RLF: variants seen among roughly 807,000 people sequenced by gnomAD.
RLF encodes RLF zinc finger.
A neutral mutation model predicts 162.9 loss-of-function variants in RLF; 7 were observed. The ratio of observed to expected loss-of-function variants is 0.04; its 90% CI spans 0.02 to 0.08. The LOEUF (loss-of-function observed/expected upper bound fraction) is 0.08. Among genes scored for constraint, RLF ranks in the 10% least tolerant of loss-of-function variants. RLF has a pLI of 1.00. For missense variants in RLF, 1,664 were observed against 2,244.7 expected (o/e 0.74, Z 5.23); for synonymous variants, 782 against 791.5 (o/e 0.99, Z 0.20).
intron 4 of RLF, among the ~76,000 whole-genome samples, chr1:40,201,354 G>A (rs936016024): frequency 2.0e-5 from 3 of 151,582 alleles, no homozygotes; most frequent in Non-Finnish European, 4.4e-5. Context: ...GGCCGGGTGC[G>A]GTGGCTCATG....
At chr1:40,184,211 G>A (rs948885847) in intron 1 of RLF, among the ~76,000 whole-genome samples, 3 of 152,160 alleles carry the variant, frequency 2.0e-5, no homozygotes, top group African/African-American at 4.8e-5. Context: ...AACCATGTAA[G>A]CATTTTAGTT....
chr1:40,188,885 A>G (rs1339575388), intron 1 of RLF, among the ~76,000 whole-genome samples, 170 bp from the exon 2 acceptor site: 1 of 152,220 alleles, frequency 6.6e-6, no homozygotes, highest in African/African-American at 2.4e-5. Flanking sequence ...GAAATCATTC[A>G]TTAAGTGATG....
At chr1:40,169,899 A>G (rs1337592374) in intron 1 of RLF, among the ~76,000 whole-genome samples, 5 of 151,958 alleles carry the variant, frequency 3.3e-5, no homozygotes, top group Non-Finnish European at 7.4e-5. Flanking sequence ...CATGTTGGCT[A>G]GGCTGGTCTT....
Position 40,189,209 on chromosome 1 carries a change from T to C in RLF, c.392T>C (p.Leu131Pro). ...DVLLVLGRLV[L>P]SCFELLLSVS... ...CTCTTAGTGCTTGGCAGATTAGTAC[T>C]GTAAGTTTGAGAACTTAAATCACTC... The change falls in exon 2 of 8, where the codon CTG becomes CCG. Residue 131 changes from leucine (L) to proline (P), a missense_variant and splice_region_variant. Leu to Pro is a moderately conservative substitution (Grantham distance 98). Around this residue, in one of 15 missense-constraint regions of RLF, gnomAD observed 287 missense variants for 404.9 expected, o/e 0.71. Transcript: ENST00000372771. 1.2e-6 allele frequency: 2 copies of C among 1,608,480 alleles called. No homozygotes were observed. Among genetic ancestry groups the C allele is most frequent in the Non-Finnish European group, 8.5e-7 (1 of 1,177,320 alleles).
intron 5 of RLF, 84 bp downstream of exon 5, chr1:40,202,698 A>G: frequency 1.2e-6 from 1 of 854,382 alleles, no homozygotes; most frequent in Non-Finnish European, 1.7e-6. Flanking sequence ...TTTTCCCTTT[A>G]GAATGAAAAC....
intron 6 of RLF, among the ~76,000 whole-genome samples, chr1:40,229,424 T>A (rs187411919): frequency 6.6e-6 from 1 of 150,990 alleles, no homozygotes; most frequent in East Asian, 2.0e-4. Context: ...AAATTTGCCA[T>A]CCTGTTAAGC....
chr1:40,185,178 A>G (rs1187812002), intron 1 of RLF, among the ~76,000 whole-genome samples: 1 of 151,898 alleles, frequency 6.6e-6, no homozygotes, highest in Non-Finnish European at 1.5e-5. Context: ...TGAGCCTAGG[A>G]GTTTGAGGTT....
At chr1:40,168,735 G>C (rs1394355490) in intron 1 of RLF, among the ~76,000 whole-genome samples, 1 of 151,940 alleles carries the variant, frequency 6.6e-6, no homozygotes, top group East Asian at 1.9e-4. Context: ...GCTCTCCCCT[G>C]TAATACCAGC....
At position 40,195,664 on chromosome 1, in the gene RLF, T is replaced by C; in HGVS notation, c.507T>C (p.Asn169=). Residue 169 remains asparagine (N), a synonymous_variant, in exon 4 of 8, where the codon AAT becomes AAC. Coordinates refer to ENST00000372771, the MANE Select transcript of RLF (RefSeq NM_012421.4). Reference sequence around the variant, plus strand: ...ATGATGCATTATTGGAATTTGGGAATAATAACCTACAAATATTGGTTCATG... The same window carrying C: ...ATGATGCATTATTGGAATTTGGGAACAATAACCTACAAATATTGGTTCATG... The part of the protein sequence containing the change: ...ESHDALLEFG[N]NNLQILVHVT... 3.7e-6 allele frequency: 6 copies of C among 1,612,966 alleles called. No homozygotes were observed. Among genetic ancestry groups the C allele is most frequent in the Non-Finnish European group, 5.1e-6 (6 of 1,179,194 alleles).
At chr1:40,229,024 G>A (rs764439018) in intron 6 of RLF, among the ~76,000 whole-genome samples, 6 of 152,192 alleles carry the variant, frequency 3.9e-5, no homozygotes, top group South Asian at 4.2e-4. Flanking sequence ...GGCTGGTCTT[G>A]AACTCCTAGC....
At chr1:40,214,008 CTG>C (rs1273470784) in intron 5 of RLF, among the ~76,000 whole-genome samples, 2 of 152,250 alleles carry the variant, frequency 1.3e-5, no homozygotes, top group East Asian at 1.9e-4. Flanking sequence ...ACCTTTCTAA[CTG>C]TATCTAATCT....
At chr1:40,208,991 C>T (rs1642834056) in intron 5 of RLF, among the ~76,000 whole-genome samples, 1 of 152,178 alleles carries the variant, frequency 6.6e-6, no homozygotes, top group Non-Finnish European at 1.5e-5. Context: ...ATCTCATGTA[C>T]ATGATCCAAC....
At chr1:40,222,349 A>C (rs1643011495) in intron 5 of RLF, among the ~76,000 whole-genome samples, 1 of 152,224 alleles carries the variant, frequency 6.6e-6, no homozygotes, top group Non-Finnish European at 1.5e-5. Flanking sequence ...TTTAAACTGC[A>C]AAAATGTTTT....
chr1:40,206,119 A>G (rs1308553412), intron 5 of RLF, among the ~76,000 whole-genome samples: 1 of 152,148 alleles, frequency 6.6e-6, no homozygotes, highest in Non-Finnish European at 1.5e-5. Context: ...CTCTACTTAC[A>G]GATTTAACAT....
At chr1:40,165,788 C>T (rs11584362) in intron 1 of RLF, among the ~76,000 whole-genome samples, 24,335 of 152,010 alleles carry the variant, frequency 0.16, 2,007 homozygotes, top group South Asian at 0.2. Flanking sequence ...TCCTCCCCCC[C>T]CTCCGCCAAA....
intron 5 of RLF, among the ~76,000 whole-genome samples, chr1:40,214,942 A>AAAAG (rs1557753884): frequency 2.7e-5 from 4 of 147,494 alleles, no homozygotes; most frequent in Non-Finnish European, 3.0e-5. Context: ...AAAAAAAAAA[A>AAAAG]AAACTAAAGT....
chr1:40,221,917 A>AAAAAAAAAAGAGAG (rs1486982312), intron 5 of RLF, among the ~76,000 whole-genome samples: 1 of 150,284 alleles, frequency 6.7e-6, no homozygotes, highest in African/African-American at 2.5e-5. Context: ...AAAAAAAAAA[A>AAAAAAAAAAGAGAG]AGAGAAAGGA....
intron 1 of RLF, among the ~76,000 whole-genome samples, chr1:40,184,691 T>C (rs1252607635): frequency 6.6e-6 from 1 of 152,164 alleles, no homozygotes; most frequent in Non-Finnish European, 1.5e-5. Context: ...TCAAATATGG[T>C]GCGTAAGTGA....
chr1:40,174,370 CAAA>C (rs57362681), intron 1 of RLF, among the ~76,000 whole-genome samples: 1 of 128,434 alleles, frequency 7.8e-6, no homozygotes. Context: ...GACTCTGTCT[CAAA>C]AAAAAAAAAA....
Sources: gnomAD v4.1 joint callset for allele counts (sites outside exome capture counted in the v4.1 genomes callset) on GRCh38, gnomAD v4.1.1 for gene constraint, gnomAD v4.1.1 regional missense constraint, MANE v1.5 for transcripts, NCBI Gene and HGNC (gene_info 2026-07-23, HGNC 2026-07-21) for gene names.